Variants in MINPP1 observed in about 807,000 individuals in gnomAD.
MINPP1 encodes the protein multiple inositol-polyphosphate phosphatase 1.
In MINPP1, 28 loss-of-function variants were observed where a neutral mutation model predicts 46.1. The ratio of observed to expected loss-of-function variants is 0.61; its 90% CI spans 0.45 to 0.83. MINPP1 has a LOEUF of 0.83. Among genes scored for constraint, MINPP1 ranks in the 40% least tolerant of loss-of-function variants. MINPP1 has a pLI of 0.00. For synonymous variants in MINPP1, 268 were observed against 249.1 expected, an observed-to-expected ratio of 1.08 and a Z score of -0.72; for missense variants, 603 against 610.0, an observed-to-expected ratio of 0.99 and a Z score of 0.12.
At position 87,552,239 on chromosome 10, in the gene MINPP1, G is replaced by C; in HGVS notation, c.1225G>C (p.Val409Leu). The C allele has an allele frequency of 6.2e-7, 1 of 1,613,832 alleles. No homozygotes were observed. The highest frequency in any genetic ancestry group is 8.5e-7 in the Non-Finnish European group (1 of 1,179,834). ...MHRKFRSGLI[V>L]PYASNLIFVL... is the part of the protein sequence containing the mutation. ...TCGGAAGTTCCGAAGTGGTCTCATT[G>C]TACCTTATGCCTCGAACCTGATATT... Residue 409 changes from valine to leucine, a missense_variant, in exon 5 of 5, where the codon GTA becomes CTA. Coordinates refer to ENST00000371996, the MANE Select transcript of MINPP1 (RefSeq NM_004897.5).
chr10:87,550,106 C>A (rs1191456821), intron 4 of MINPP1, among the ~76,000 whole-genome samples: 1 of 152,102 alleles, frequency 6.6e-6, no homozygotes, highest in Admixed American at 6.6e-5. Flanking sequence ...TGATTATGGT[C>A]TTACGGGTAT....
intron 4 of MINPP1, among the ~76,000 whole-genome samples, chr10:87,544,714 G>A (rs766695031): frequency 1.1e-4 from 16 of 152,064 alleles, no homozygotes; most frequent in Admixed American, 5.9e-4. Context: ...CCTTTCTTAC[G>A]GAGCCTAGAG....
At chr10:87,519,315 G>A (rs1380841285) in intron 3 of MINPP1, among the ~76,000 whole-genome samples, 2 of 152,194 alleles carry the variant, frequency 1.3e-5, no homozygotes, top group East Asian at 1.9e-4. Context: ...AGGCCACTCA[G>A]GTTTGCCAGC....
intron 1 of MINPP1, among the ~76,000 whole-genome samples, chr10:87,507,540 A>G (rs1379202289): frequency 1.3e-5 from 2 of 152,112 alleles, no homozygotes; most frequent in African/African-American, 4.8e-5. Context: ...AACTATATTC[A>G]ATTTTCTCAT....
At chr10:87,534,646 G>A (rs1851708154) in intron 4 of MINPP1, among the ~76,000 whole-genome samples, 1 of 152,084 alleles carries the variant, frequency 6.6e-6, no homozygotes, top group African/African-American at 2.4e-5. Context: ...CCTACTCTGT[G>A]CTGACCCCAA....
At chr10:87,520,992 A>G (rs571914081) in intron 3 of MINPP1, 44 bp from the exon 4 acceptor site, 44 of 771,202 alleles carry the variant, frequency 5.7e-5, no homozygotes, top group Middle Eastern at 7.3e-4. Flanking sequence ...GAATCTTGTT[A>G]TATTTTTGAA....
intron 4 of MINPP1, among the ~76,000 whole-genome samples, chr10:87,534,530 T>C (rs1851706233): frequency 6.6e-6 from 1 of 151,742 alleles, no homozygotes; most frequent in African/African-American, 2.4e-5. Flanking sequence ...TATTTTACCT[T>C]TGTACATTTT....
chr10:87,513,163 T>C lies in MINPP1; in HGVS notation c.875T>C (p.Leu292Pro), dbSNP rs1196605609. 6.2e-7 allele frequency: 1 copy of C among 1,613,864 alleles called. No individual in the cohort carries two copies. The highest frequency in any genetic ancestry group is 8.5e-7 in the Non-Finnish European group (1 of 1,179,834). ...GCCTTTTTCACCTGTTCATTTGACCTGGCAATTAAAGGTGTTAAATCTCCT... is the reference window on the plus strand; with the variant it reads ...GCCTTTTTCACCTGTTCATTTGACCCGGCAATTAAAGGTGTTAAATCTCCT... The part of the protein sequence containing the change: ...QVAFFTCSFD[L>P]AIKGVKSPWC... The change falls in exon 3 of 5, where the codon CTG becomes CCG. Residue 292 changes from leucine (L) to proline (P), a missense_variant. By Grantham distance (98) the Leu-to-Pro change is moderately conservative (BLOSUM62 -3). Around this residue, in one of 3 missense-constraint regions of MINPP1, gnomAD observed 344 missense variants for 381.1 expected, o/e 0.90. Coordinates refer to ENST00000371996, the MANE Select transcript of MINPP1 (RefSeq NM_004897.5).
At chr10:87,546,007 G>A (rs190117982) in intron 4 of MINPP1, among the ~76,000 whole-genome samples, 23 of 152,288 alleles carry the variant, frequency 1.5e-4, no homozygotes, top group Admixed American at 1.0e-3. Flanking sequence ...TTGGCTTCAC[G>A]GAGGCAAGAA....
intron 2 of MINPP1, among the ~76,000 whole-genome samples, chr10:87,509,401 TTC>T (rs1189140022): frequency 6.6e-6 from 1 of 152,168 alleles, no homozygotes; most frequent in East Asian, 1.9e-4. Context: ...ATTGAATTTT[TTC>T]TCTCTCTCCA....
intron 4 of MINPP1, among the ~76,000 whole-genome samples, chr10:87,551,149 C>G (rs571514785): frequency 2.0e-5 from 3 of 151,732 alleles, no homozygotes; most frequent in Non-Finnish European, 2.9e-5. Flanking sequence ...AAATGTTTCC[C>G]ATGGGTTTTT....
chr10:87,537,667 T>C (rs967356927), intron 4 of MINPP1, among the ~76,000 whole-genome samples: 3 of 152,094 alleles, frequency 2.0e-5, no homozygotes. Context: ...TGCCCCATTA[T>C]TGAGGCATTT....
rs1851237829 is a variant in MINPP1, at chr10:87,505,724, GCTAT to G, written c.637+175_637+178del. Among the ~76,000 whole-genome samples, 1 of 152,132 alleles carries G rather than the reference GCTAT, an allele frequency of 6.6e-6. No individual in the cohort carries two copies. The highest frequency in any genetic ancestry group is 1.5e-5 in the Non-Finnish European group (1 of 68,022). On this transcript the variant is annotated intron_variant, in intron 1 of 4. Transcript: ENST00000371996. This position sits in a 1 kb window ranked among gnomAD's most constrained non-coding sequence, Gnocchi z 4.4. ...CCTGTCGAGGGATATTACAGACTTG[GCTAT>G]CTCTTTTTCCCCTTACACGTATGTT... is the stretch of plus-strand genomic sequence containing the variant.
At chr10:87,521,747 T>G (rs4934344) in intron 4 of MINPP1, among the ~76,000 whole-genome samples, 3 of 152,154 alleles carry the variant, frequency 2.0e-5, no homozygotes, top group African/African-American at 7.2e-5. Context: ...GCTGTTATAA[T>G]TAGTGTAATT....
intron 4 of MINPP1, among the ~76,000 whole-genome samples, chr10:87,545,506 C>T (rs1327544896): frequency 1.3e-5 from 2 of 152,084 alleles, no homozygotes; most frequent in East Asian, 1.9e-4. Flanking sequence ...TATGCAGCAT[C>T]ATAAAATTAA....
chr10:87,521,135 C>T lies in MINPP1; in HGVS notation c.1033C>T (p.Gln345Ter). ...SSCTLFQDIF[Q>*]HLDKAVEQKQ... ...CTGCACCTTGTTTCAGGATATCTTT[C>T]AGCACTTGGACAAAGCAGTTGAACA... Residue 345 changes from glutamine (Q) to a stop codon, truncating the protein, a stop_gained, in exon 4 of 5, where the codon CAG becomes TAG. Coordinates refer to ENST00000371996, the MANE Select transcript of MINPP1 (RefSeq NM_004897.5). LOFTEE classifies it high-confidence loss of function. 1 of 1,611,628 alleles carries T rather than the reference C, an allele frequency of 6.2e-7. No homozygotes were observed. The highest frequency in any genetic ancestry group is 8.5e-7 in the Non-Finnish European group (1 of 1,178,374).
intron 2 of MINPP1, chr10:87,509,793 G>A (rs1851309398): frequency 7.5e-6 from 2 of 266,092 alleles, no homozygotes; most frequent in African/African-American, 2.2e-5. Flanking sequence ...TGTTTTTGAT[G>A]TAATGTTTGC....
At chr10:87,528,629 C>T (rs1375649871) in intron 4 of MINPP1, among the ~76,000 whole-genome samples, 2 of 152,194 alleles carry the variant, frequency 1.3e-5, no homozygotes, top group Non-Finnish European at 2.9e-5. Flanking sequence ...TTACTTCCAA[C>T]TATGTGGTCA....
At chr10:87,511,356 G>A (rs1851331855) in intron 2 of MINPP1, among the ~76,000 whole-genome samples, 2 of 151,932 alleles carry the variant, frequency 1.3e-5, no homozygotes, top group Non-Finnish European at 2.9e-5. Flanking sequence ...GTTGTATTTT[G>A]TCTAGGAATC....
Sources: allele counts gnomAD v4.1 joint callset (sites outside exome capture counted in the v4.1 genomes callset), GRCh38; gene constraint gnomAD v4.1.1; regional missense constraint gnomAD v4.1.1; non-coding constraint Gnocchi (gnomAD v3.1); transcripts MANE v1.5; gene names NCBI Gene and HGNC (gene_info 2026-07-23, HGNC 2026-07-21).